Variants in ARHGAP15 observed in about 807,000 individuals in gnomAD.
ARHGAP15 encodes the protein rho GTPase-activating protein 15.
A neutral mutation model predicts 63.7 loss-of-function variants in ARHGAP15; 51 were observed. That is an observed-to-expected ratio of 0.80 (90% CI 0.64 to 1.01). The LOEUF (loss-of-function observed/expected upper bound fraction) is 1.01, where lower values mean the gene tolerates loss of function less well. Ranked by LOEUF, ARHGAP15 falls within the 50% of genes least tolerant of loss-of-function variation. The pLI, the probability that ARHGAP15 is intolerant of heterozygous loss-of-function variation, is 0.00. For missense variants in ARHGAP15, 560 were observed against 564.6 expected, an observed-to-expected ratio of 0.99 and a Z score of 0.08; for synonymous variants, 191 against 193.8, an observed-to-expected ratio of 0.99 and a Z score of 0.12.
intron 12 of ARHGAP15, among the ~76,000 whole-genome samples, chr2:143,661,621 G>A (rs906588692): frequency 9.8e-5 from 15 of 152,308 alleles, no homozygotes; most frequent in East Asian, 7.7e-4. Context: ...CAGTGTGAGC[G>A]ACGCAGAAGA....
intron 6 of ARHGAP15, among the ~76,000 whole-genome samples, chr2:143,399,375 A>T (rs1482058456): frequency 1.3e-5 from 2 of 151,864 alleles, no homozygotes; most frequent in African/African-American, 2.4e-5. Context: ...ATAAAAAAAA[A>T]TGCCCTTCTT....
intron 2 of ARHGAP15, among the ~76,000 whole-genome samples, chr2:143,169,031 G>A (rs1040460354): frequency 6.6e-6 from 1 of 151,996 alleles, no homozygotes; most frequent in Non-Finnish European, 1.5e-5. Flanking sequence ...AATGCTACAT[G>A]GCCAAGGGCC....
chr2:143,670,608 G>A (rs1046765091), intron 12 of ARHGAP15, among the ~76,000 whole-genome samples: 3 of 152,142 alleles, frequency 2.0e-5, no homozygotes, highest in African/African-American at 7.2e-5. Flanking sequence ...TGTTCAGCCA[G>A]TGGTGGTGAA....
intron 2 of ARHGAP15, among the ~76,000 whole-genome samples, chr2:143,180,968 G>A (rs919128404): frequency 6.6e-6 from 1 of 152,082 alleles, no homozygotes; most frequent in Non-Finnish European, 1.5e-5. Flanking sequence ...CACTGTACCC[G>A]GCCTTAAATA....
At chr2:143,474,824 G>A (rs756142614) in intron 8 of ARHGAP15, among the ~76,000 whole-genome samples, 2 of 152,086 alleles carry the variant, frequency 1.3e-5, no homozygotes, top group African/African-American at 4.8e-5. Flanking sequence ...GTTATCTGAC[G>A]GTCAACAACA....
intron 6 of ARHGAP15, among the ~76,000 whole-genome samples, chr2:143,290,746 T>A (rs1239477003): frequency 6.6e-6 from 1 of 152,064 alleles, no homozygotes; most frequent in Non-Finnish European, 1.5e-5. Context: ...CTGTTTGGGG[T>A]AATCATCAGA....
intron 6 of ARHGAP15, among the ~76,000 whole-genome samples, chr2:143,318,659 C>A (rs1049580567): frequency 1.3e-5 from 2 of 151,874 alleles, no homozygotes; most frequent in South Asian, 4.2e-4. Flanking sequence ...TTCTGAGCAA[C>A]AGTTTTCTTA....
chr2:143,502,342 G>T (rs1403211495), intron 9 of ARHGAP15, among the ~76,000 whole-genome samples: 1 of 151,956 alleles, frequency 6.6e-6, no homozygotes, highest in Non-Finnish European at 1.5e-5. Context: ...CTGGGAGGCA[G>T]AGGTTGAAGT....
intron 12 of ARHGAP15, among the ~76,000 whole-genome samples, chr2:143,665,138 C>A (rs1190913695): frequency 1.3e-5 from 2 of 150,796 alleles, no homozygotes; most frequent in Non-Finnish European, 3.0e-5. Context: ...AGACCAATAT[C>A]CTTGATGAAC....
chr2:143,757,572 C>T (rs1193301261), intron 13 of ARHGAP15, among the ~76,000 whole-genome samples: 4 of 151,656 alleles, frequency 2.6e-5, no homozygotes, highest in African/African-American at 7.3e-5. Flanking sequence ...AGCACAGTAC[C>T]GTATACCAGG....
intron 2 of ARHGAP15, among the ~76,000 whole-genome samples, chr2:143,157,549 T>C (rs1294330550): frequency 6.6e-6 from 1 of 151,794 alleles, no homozygotes; most frequent in Non-Finnish European, 1.5e-5. Flanking sequence ...TATTCCTCGA[T>C]AAGGAACAAA....
At chr2:143,315,138 T>C (rs1010583326) in intron 6 of ARHGAP15, among the ~76,000 whole-genome samples, 17 of 152,198 alleles carry the variant, frequency 1.1e-4, no homozygotes, top group African/African-American at 3.9e-4. Context: ...TTTCACTTAA[T>C]ACTTTTCTAA....
chr2:143,193,750 A>G (rs1258417311), intron 2 of ARHGAP15, among the ~76,000 whole-genome samples: 1 of 152,192 alleles, frequency 6.6e-6, no homozygotes, highest in Admixed American at 6.5e-5. Flanking sequence ...CCTTTGCATT[A>G]AGAAATAGTG....
intron 6 of ARHGAP15, among the ~76,000 whole-genome samples, chr2:143,417,222 C>T (rs1449262520): frequency 2.0e-5 from 3 of 152,058 alleles, no homozygotes; most frequent in Non-Finnish European, 4.4e-5. Context: ...CAATAATATG[C>T]TCATTACTTG....
chr2:143,376,888 T>A (rs1392708183), intron 6 of ARHGAP15, among the ~76,000 whole-genome samples: 1 of 152,118 alleles, frequency 6.6e-6, no homozygotes, highest in Non-Finnish European at 1.5e-5. Flanking sequence ...ATTCCTTTTT[T>A]GCTTTTTAGA....
chr2:143,211,115 A>T (rs1692541684), intron 3 of ARHGAP15, among the ~76,000 whole-genome samples: 3 of 152,060 alleles, frequency 2.0e-5, no homozygotes, highest in African/African-American at 7.2e-5. Flanking sequence ...TTCTTAATGG[A>T]TTATGTCCAC....
intron 6 of ARHGAP15, among the ~76,000 whole-genome samples, chr2:143,274,568 G>C (rs985556832): frequency 6.6e-6 from 1 of 152,184 alleles, no homozygotes; most frequent in Non-Finnish European, 1.5e-5. Context: ...TAATAGCCTT[G>C]TTATCAGGTT....
chr2:143,445,087 T>C (rs1289474803), intron 8 of ARHGAP15, among the ~76,000 whole-genome samples: 2 of 151,064 alleles, frequency 1.3e-5, no homozygotes, highest in African/African-American at 2.4e-5. Context: ...GTAGAAAATA[T>C]AGGACTGGGA....
chr2:143,622,921 G>A (rs1264842255), intron 11 of ARHGAP15, among the ~76,000 whole-genome samples: 1 of 151,884 alleles, frequency 6.6e-6, no homozygotes, highest in Admixed American at 6.6e-5. Context: ...ACATTTTGGT[G>A]CAAAATGCTC....
Sources: allele counts gnomAD v4.1 joint callset (sites outside exome capture counted in the v4.1 genomes callset), GRCh38; gene constraint gnomAD v4.1.1; transcripts MANE v1.5; gene names NCBI Gene and HGNC (gene_info 2026-07-23, HGNC 2026-07-21).